Variants in DOCK9 observed in about 807,000 individuals in gnomAD.
DOCK9 encodes the protein dedicator of cytokinesis protein 9.
A neutral mutation model predicts 263.3 loss-of-function variants in DOCK9; 89 were observed. The observed-to-expected ratio is 0.34, with a 90% CI of 0.28 to 0.40. DOCK9 has a LOEUF of 0.40. Among genes scored for constraint, DOCK9 ranks in the 10% least tolerant of loss-of-function variants. The pLI, the probability that DOCK9 is intolerant of heterozygous loss-of-function variation, is 1.00. For missense variants in DOCK9, 2,140 were observed against 2,603.4 expected, an observed-to-expected ratio of 0.82 and a Z score of 3.87; for synonymous variants, 976 against 973.1, an observed-to-expected ratio of 1.00 and a Z score of -0.06.
chr13:98,960,880 C>T (rs575481996), intron 1 of DOCK9, among the ~76,000 whole-genome samples: 3 of 152,302 alleles, frequency 2.0e-5, no homozygotes, highest in South Asian at 2.1e-4. Flanking sequence ...GAAACAAGGC[C>T]GGTACTGAGC....
At chr13:99,022,184 C>T (rs1886199855) in intron 1 of DOCK9, among the ~76,000 whole-genome samples, 1 of 152,042 alleles carries the variant, frequency 6.6e-6, no homozygotes, top group Non-Finnish European at 1.5e-5. Context: ...TGCCAGTTAC[C>T]TTGAAGTGAA....
chr13:98,944,525 G>A (rs1567048034), intron 2 of DOCK9, among the ~76,000 whole-genome samples: 2 of 152,012 alleles, frequency 1.3e-5, no homozygotes, highest in Admixed American at 6.6e-5. Flanking sequence ...TCATGGTTCC[G>A]CTGAGTTCTC....
At chr13:98,850,204 T>G in intron 35 of DOCK9, 91 bp from the exon 36 acceptor site, 1 of 932,286 alleles carries the variant, frequency 1.1e-6, no homozygotes, top group Admixed American at 3.2e-5. Flanking sequence ...AACCTTGGAG[T>G]GTAGGCCTCT....
At chr13:98,802,873 G>A (rs530482691) in intron 49 of DOCK9, among the ~76,000 whole-genome samples, 3 of 152,308 alleles carry the variant, frequency 2.0e-5, no homozygotes, top group Admixed American at 6.5e-5. Context: ...CCTTCAGAAC[G>A]CCCTGGTGTG....
chr13:99,047,144 C>A (rs959752948), intron 1 of DOCK9, among the ~76,000 whole-genome samples: 1 of 152,240 alleles, frequency 6.6e-6, no homozygotes, highest in Non-Finnish European at 1.5e-5. Flanking sequence ...AACTTTTCCT[C>A]ATGGTAAAGT....
At chr13:99,041,185 T>A (rs1414959091) in intron 1 of DOCK9, among the ~76,000 whole-genome samples, 1 of 152,174 alleles carries the variant, frequency 6.6e-6, no homozygotes, top group African/African-American at 2.4e-5. Context: ...TCTCCTGTAT[T>A]TTTAAAATGT....
chr13:98,923,603 G>A (rs1427747306), intron 4 of DOCK9, among the ~76,000 whole-genome samples: 1 of 152,132 alleles, frequency 6.6e-6, no homozygotes, highest in Non-Finnish European at 1.5e-5. Flanking sequence ...ATAGCTTCTG[G>A]GGAGTTAGCA....
At chr13:98,862,432 T>C (rs2093900191) in intron 32 of DOCK9, among the ~76,000 whole-genome samples, 1 of 152,154 alleles carries the variant, frequency 6.6e-6, no homozygotes, top group Admixed American at 6.5e-5. Context: ...CTCACGTCTG[T>C]AATCCCAGAA....
chr13:98,938,563 T>C (rs921709480), intron 2 of DOCK9, among the ~76,000 whole-genome samples: 9 of 152,258 alleles, frequency 5.9e-5, no homozygotes, highest in African/African-American at 2.2e-4. Flanking sequence ...TGAATTACAG[T>C]TGCATTACCT....
chr13:98,942,646 C>T (rs143579808), intron 2 of DOCK9, among the ~76,000 whole-genome samples: 2 of 152,304 alleles, frequency 1.3e-5, no homozygotes, highest in Non-Finnish European at 2.9e-5. Context: ...ATCACAGTTA[C>T]GTGTTGCATA....
At chr13:98,845,229 TAGAA>T in intron 38 of DOCK9, 1 of 781,068 alleles carries the variant, frequency 1.3e-6, no homozygotes, top group South Asian at 1.6e-5. Flanking sequence ...TTTGTAAAGT[TAGAA>T]AGCCCCAAAG....
intron 47 of DOCK9, among the ~76,000 whole-genome samples, chr13:98,808,839 G>A (rs2091003178): frequency 6.6e-6 from 1 of 152,004 alleles, no homozygotes; most frequent in Admixed American, 6.5e-5. Context: ...CTTTCCTATA[G>A]GGTTTCTGAA....
At chr13:98,952,996 T>C (rs1409882953) in intron 2 of DOCK9, among the ~76,000 whole-genome samples, 1 of 152,182 alleles carries the variant, frequency 6.6e-6, no homozygotes. Flanking sequence ...ATACAATAAT[T>C]CTGCTCTTAT....
At chr13:98,888,000 A>C in intron 18 of DOCK9, 158 bp downstream of exon 18, 2 of 559,494 alleles carry the variant, frequency 3.6e-6, no homozygotes, top group South Asian at 5.0e-5. Context: ...ATTCGATAAG[A>C]TTGAGTATAT....
intron 38 of DOCK9, among the ~76,000 whole-genome samples, chr13:98,840,419 G>C (rs11842822): frequency 0.014 from 2,104 of 152,270 alleles, 35 homozygotes; most frequent in African/African-American, 0.048. Flanking sequence ...GCCCCGGGAT[G>C]CTTTACGGTC....
intron 18 of DOCK9, among the ~76,000 whole-genome samples, chr13:98,887,597 C>CAGAGCG (rs1319827747): frequency 2.8e-5 from 3 of 106,274 alleles, no homozygotes; most frequent in African/African-American, 1.1e-4. Flanking sequence ...GCCTGGGCGA[C>CAGAGCG]AGAGCGAGAC....
In DOCK9 at chr13:98,863,376, A is replaced by G; in HGVS notation, c.3459T>C (p.Ala1153=). ...TCCATTGGGGACCACTCACCCTTGA[A>G]GCATATCTGTCATCAAAAGAATGCT... is the stretch of plus-strand genomic sequence containing the variant. ...LIKHSFDDRY[A]SRSHQARIAT... is the part of the protein sequence containing the mutation. Residue 1153 remains alanine, a synonymous_variant, in exon 31 of 53, where the codon GCT becomes GCC. Transcript: ENST00000682017. 1 of 1,613,614 alleles carries G rather than the reference A, an allele frequency of 6.2e-7. No homozygotes were observed. Among genetic ancestry groups the G allele is most frequent in the Admixed American group, 1.7e-5 (1 of 59,974 alleles).
intron 2 of DOCK9, among the ~76,000 whole-genome samples, chr13:98,945,363 G>T (rs1170629811): frequency 6.6e-6 from 1 of 152,126 alleles, no homozygotes; most frequent in East Asian, 1.9e-4. Flanking sequence ...CTCCACCATG[G>T]TCCATGTTGT....
At chr13:98,834,351 T>G (rs1484472967) in intron 39 of DOCK9, 1 of 152,232 alleles carries the variant, frequency 6.6e-6, no homozygotes, top group East Asian at 1.9e-4. Context: ...AAAATCAGTT[T>G]GCAGAAGAGC....
Sources: allele counts gnomAD v4.1 joint callset (sites outside exome capture counted in the v4.1 genomes callset), GRCh38; gene constraint gnomAD v4.1.1; transcripts MANE v1.5; gene names NCBI Gene and HGNC (gene_info 2026-07-23, HGNC 2026-07-21).